The following CCKAR variants were observed in gnomAD, a reference collection of about 807,000 sequenced individuals.
The protein encoded by CCKAR is cholecystokinin A receptor, also known as cholecystokinin receptor type A.
In CCKAR, 21 loss-of-function variants were observed where a neutral mutation model predicts 29.8. That is an observed-to-expected ratio of 0.70 (90% CI 0.50 to 1.01). The LOEUF (loss-of-function observed/expected upper bound fraction) is 1.01. CCKAR is among the 50% of genes least tolerant of loss of function. CCKAR has a pLI of 0.00. For missense variants in CCKAR, 570 were observed against 560.6 expected, an observed-to-expected ratio of 1.02 and a Z score of -0.17; for synonymous variants, 238 against 221.3, an observed-to-expected ratio of 1.08 and a Z score of -0.67.
chr4:26,485,931 A>G, intron 2 of CCKAR, 33 bp from the exon 3 acceptor site: 1 of 1,597,354 alleles, frequency 6.3e-7, no homozygotes, highest in Non-Finnish European at 8.5e-7. Flanking sequence ...GGTTATGTTG[A>G]CTCTGAAATC....
At chr4:26,488,740 T>C (rs143879992) in intron 2 of CCKAR, among the ~76,000 whole-genome samples, 18 of 152,190 alleles carry the variant, frequency 1.2e-4, no homozygotes, top group African/African-American at 3.9e-4. Flanking sequence ...GAAACTGCGA[T>C]AGAACTGGTT....
At chr4:26,487,244 C>T (rs1479638713) in intron 2 of CCKAR, among the ~76,000 whole-genome samples, 1 of 152,092 alleles carries the variant, frequency 6.6e-6, no homozygotes, top group African/African-American at 2.4e-5. Flanking sequence ...TAAACTAATT[C>T]TCTGAAACTA....
Position 26,481,783 on chromosome 4 carries a change from A to C in CCKAR, c.1142T>G (p.Phe381Cys). 1 of 1,614,058 alleles carries C rather than the reference A, an allele frequency of 6.2e-7. No homozygotes were observed. The highest frequency in any genetic ancestry group is 8.5e-7 in the Non-Finnish European group (1 of 1,179,980). The change falls in exon 5 of 5, where the codon TTC becomes TGC. Residue 381 changes from phenylalanine (F) to cysteine (C), a missense_variant. Phe to Cys is a radical substitution (Grantham distance 205). Transcript: ENST00000295589. ...GGGGCAGCAGGGGAAGGTGGCCATG[A>C]AGCCGAGGCGGAAGCGTTTGTTCAT... ...CFMNKRFRLG[F>C]MATFPCCPNP...
At chr4:26,482,817 A>C (rs1041003347) in intron 4 of CCKAR, among the ~76,000 whole-genome samples, 15 of 152,182 alleles carry the variant, frequency 9.9e-5, no homozygotes, top group African/African-American at 3.6e-4. Flanking sequence ...GAGACACAAA[A>C]CAGGCTGGAA....
intron 2 of CCKAR, among the ~76,000 whole-genome samples, chr4:26,487,097 A>G (rs1185920066): frequency 1.3e-5 from 2 of 152,198 alleles, no homozygotes; most frequent in Admixed American, 6.5e-5. Flanking sequence ...AATTCCCTGT[A>G]GAGTCCTTCT....
intron 3 of CCKAR, among the ~76,000 whole-genome samples, chr4:26,484,680 G>A (rs758063208): frequency 5.3e-5 from 8 of 152,046 alleles, no homozygotes; most frequent in Non-Finnish European, 8.8e-5. Context: ...GGTAAGTACC[G>A]GAGCTGCTGC....
rs1181935993 is a variant in CCKAR, at chr4:26,483,199, G to A, written c.711C>T (p.Tyr237=). The A allele has an allele frequency of 1.2e-6, 2 of 1,613,652 alleles. No individual in the cohort carries two copies. Among genetic ancestry groups the A allele is most frequent in the East Asian group, 2.2e-5 (1 of 44,830 alleles). Residue 237 remains tyrosine (Y), a synonymous_variant, in exon 4 of 5, where the codon TAC becomes TAT. Coordinates refer to ENST00000295589, the MANE Select transcript of CCKAR (RefSeq NM_000730.3). ...VAYGLISLEL[Y]QGIKFEASQK... The stretch of plus-strand genomic sequence containing the variant: ...GGCTAGCCTCAAATTTTATTCCCTG[G>A]TAGAGTTCCAAAGAGATTAATCCAT...
intron 2 of CCKAR, among the ~76,000 whole-genome samples, chr4:26,488,501 G>A (rs1014755357): frequency 5.3e-5 from 8 of 152,118 alleles, no homozygotes; most frequent in East Asian, 1.9e-4. Flanking sequence ...GCATAAAAGC[G>A]CTAAAAAAAT....
chr4:26,488,450 G>A (rs189025398), intron 2 of CCKAR, among the ~76,000 whole-genome samples: 1 of 152,320 alleles, frequency 6.6e-6, no homozygotes, highest in Non-Finnish European at 1.5e-5. Context: ...GGGAGATAAG[G>A]TAAGATCATG....
intron 2 of CCKAR, among the ~76,000 whole-genome samples, chr4:26,486,393 G>T (rs1737450697): frequency 6.6e-6 from 1 of 152,192 alleles, no homozygotes; most frequent in Non-Finnish European, 1.5e-5. Context: ...AAAATTTTGA[G>T]TACATACTGT....
intron 3 of CCKAR, among the ~76,000 whole-genome samples, chr4:26,485,328 G>A (rs774367250): frequency 6.6e-5 from 10 of 152,114 alleles, no homozygotes; most frequent in Non-Finnish European, 1.3e-4. Context: ...CCTTAAGTTT[G>A]TGAATTGGGA....
At chr4:26,482,396 A>G (rs1737368497) in intron 4 of CCKAR, among the ~76,000 whole-genome samples, 1 of 152,204 alleles carries the variant, frequency 6.6e-6, no homozygotes, top group South Asian at 2.1e-4. Context: ...ACAACATCTT[A>G]TGGATGTAGG....
At position 26,486,276 on chromosome 4, in the gene CCKAR, G is replaced by T. The variant is rs1232161569; in HGVS notation, c.365-378C>A. ...ATCTGAAGAAAAGCTGTAATTTTGAGTATCGTCTGCATAGTTAAAATGATT... is the reference window on the plus strand; with the variant it reads ...ATCTGAAGAAAAGCTGTAATTTTGATTATCGTCTGCATAGTTAAAATGATT... On this transcript the variant is annotated intron_variant, in intron 2 of 4. Coordinates refer to ENST00000295589, the MANE Select transcript of CCKAR (RefSeq NM_000730.3). Among the ~76,000 whole-genome samples the T allele has an allele frequency of 2.0e-5, 3 of 152,162 alleles. No individual in the cohort carries two copies. In the East Asian group the frequency reaches 5.8e-4, roughly 29 times the overall value.
rs1005510234 is a variant in CCKAR at position 26,490,399 on chromosome 4, T to G, written c.-132A>C. 4.6e-6 allele frequency: 3 copies of G among 645,652 alleles called. No homozygotes were observed. The African/African-American group carries it at 5.5e-5, about 12-fold the overall frequency. 40.0% of individuals were successfully genotyped at this position (645,652 alleles called of 1,614,324 possible). A position where few individuals can be genotyped will look rare whatever the true frequency, so the allele number is the denominator to read the frequency against. On this transcript the variant is annotated 5_prime_UTR_variant, in exon 1 of 5. Transcript: ENST00000295589. The stretch of plus-strand genomic sequence containing the variant: ...GAGCAGGGAGGGAGTGATTTCCAGG[T>G]GTGGGCTTTTTCAGCCATTCCTAAA...
chr4:26,481,519 T>C lies in CCKAR; in HGVS notation c.*119A>G. Reference sequence around the variant, plus strand: ...AAAGCAGACCTTGAAGAGTTCCCACTGGAGATGGAGCCTTCCTTCTCCATC... The same window carrying C: ...AAAGCAGACCTTGAAGAGTTCCCACCGGAGATGGAGCCTTCCTTCTCCATC... On this transcript the variant is annotated 3_prime_UTR_variant, in exon 5 of 5. Coordinates refer to ENST00000295589, the MANE Select transcript of CCKAR (RefSeq NM_000730.3). 1 of 1,090,418 alleles carries C rather than the reference T, an allele frequency of 9.2e-7. No homozygotes were observed. The highest frequency in any genetic ancestry group is 2.3e-5 in the East Asian group (1 of 42,614). The allele number at this position is 1,090,418 out of a possible 1,614,324, so 67.5% of individuals were successfully genotyped here.
Position 26,482,001 on chromosome 4 carries a change from C to A in CCKAR, c.924G>T (p.Lys308Asn), listed in dbSNP as rs201693594. The change falls in exon 5 of 5, where the codon AAG becomes AAT. Residue 308 changes from lysine (K) to asparagine (N), a missense_variant. Transcript: ENST00000295589. The stretch of plus-strand genomic sequence containing the variant: ...CGATGAGCATGCGGATCACCCTTTT[C>A]TTGGCCATCAGGTTGGCTGCGGAGC... ...SNSSAANLMA[K>N]KRVIRMLIVI... The A allele has an allele frequency of 3.1e-5, 50 of 1,614,154 alleles. No individual in the cohort carries two copies. Among genetic ancestry groups the A allele is most frequent in the Non-Finnish European group, 4.2e-5 (50 of 1,180,058 alleles).
chr4:26,481,617 G>A lies in CCKAR; in HGVS notation c.*21C>T, dbSNP rs763741903. The A allele has an allele frequency of 1.2e-5, 20 of 1,612,410 alleles. No individual in the cohort carries two copies. The highest frequency in any genetic ancestry group is 2.2e-5 in the East Asian group (1 of 44,888). Reference sequence around the variant, plus strand: ...TGCCTCCTCCCTGCCTTCCTTCTGCGGTGGAGGGTCAGGGGACATCTCACT... The same window carrying A: ...TGCCTCCTCCCTGCCTTCCTTCTGCAGTGGAGGGTCAGGGGACATCTCACT... On this transcript the variant is annotated 3_prime_UTR_variant, in exon 5 of 5. Transcript: ENST00000295589.
Position 26,481,770 on chromosome 4 carries a change from G to C in CCKAR, c.1155C>G (p.Phe385Leu). ...KRFRLGFMAT[F>L]PCCPNPGPPG... ...GGGGACCAGGATTGGGGCAGCAGGG[G>C]AAGGTGGCCATGAAGCCGAGGCGGA... Residue 385 changes from phenylalanine to leucine, a missense_variant, in exon 5 of 5, where the codon TTC (phenylalanine) becomes TTG (leucine). Coordinates refer to ENST00000295589, the MANE Select transcript of CCKAR (RefSeq NM_000730.3). The C allele has an allele frequency of 6.2e-7, 1 of 1,614,136 alleles. No individual in the cohort carries two copies. The highest frequency in any genetic ancestry group is 8.5e-7 in the Non-Finnish European group (1 of 1,179,998).
In CCKAR at chr4:26,482,092, C is replaced by T. The variant is rs749609774; in HGVS notation, c.833G>A (p.Arg278Lys). 1.2e-6 allele frequency: 2 copies of T among 1,614,200 alleles called. No individual in the cohort carries two copies. Among genetic ancestry groups the T allele is most frequent in the Non-Finnish European group, 1.7e-6 (2 of 1,180,040 alleles). Residue 278 changes from arginine (R) to lysine (K), a missense_variant, in exon 5 of 5, where the codon AGG (arginine) becomes AAG (lysine). Coordinates refer to ENST00000295589, the MANE Select transcript of CCKAR (RefSeq NM_000730.3). ...GCYLQKTRPP[R>K]KLELRQLSTG... ...GGACAGCTGCCGGAGCTCCAGCTTC[C>T]TCGGGGGCCTGGTCTTTTGCAGGTA...
Sources: allele counts gnomAD v4.1 joint callset (sites outside exome capture counted in the v4.1 genomes callset), GRCh38; gene constraint gnomAD v4.1.1; transcripts MANE v1.5; gene names NCBI Gene and HGNC (gene_info 2026-07-23, HGNC 2026-07-21).